SAMD4A: variants seen among roughly 807,000 people sequenced by gnomAD.
SAMD4A encodes sterile alpha motif domain containing 4A.
Under a neutral mutation model 81.3 loss-of-function variants are expected in SAMD4A, and 33 were observed. That is an observed-to-expected ratio of 0.41 (90% CI 0.31 to 0.54). The LOEUF is 0.54. Ranked by LOEUF, SAMD4A falls within the 20% of genes least tolerant of loss-of-function variation. SAMD4A has a pLI of 0.37. For missense variants in SAMD4A, 854 were observed against 951.1 expected (o/e 0.90, Z 1.34); for synonymous variants, 389 against 382.1 (o/e 1.02, Z -0.21).
intron 3 of SAMD4A, among the ~76,000 whole-genome samples, chr14:54,732,788 C>T (rs2037589929): frequency 6.6e-6 from 1 of 152,116 alleles, no homozygotes; most frequent in South Asian, 2.1e-4. Context: ...GCCAGTATCC[C>T]AGACTTTCTT....
chr14:54,708,923 A>G (rs1401971122), intron 3 of SAMD4A, among the ~76,000 whole-genome samples: 1 of 152,184 alleles, frequency 6.6e-6, no homozygotes, highest in Non-Finnish European at 1.5e-5. Context: ...TTTTGGATGT[A>G]TGTTTATGTT....
At position 54,713,357 on chromosome 14, in the gene SAMD4A, A is replaced by G. The variant is rs79166251; in HGVS notation, c.715+10777A>G. Among the ~76,000 whole-genome samples the G allele has an allele frequency of 2.5e-3, 387 of 152,202 alleles. 10 individuals are homozygous for G. In the East Asian group the frequency reaches 0.063, roughly 25 times the overall value. ...TCCCATCCCCACCCCAGCTCTCAAC[A>G]TTCTATTAGGTAAAATACATTCTCA... On this transcript the variant is annotated intron_variant, in intron 3 of 12. Transcript: ENST00000554335.
At chr14:54,780,395 C>T (rs1416280316) in intron 11 of SAMD4A, among the ~76,000 whole-genome samples, 1 of 152,154 alleles carries the variant, frequency 6.6e-6, no homozygotes, top group African/African-American at 2.4e-5. Context: ...CACAGGGCTC[C>T]AGGCTGTTAT....
chr14:54,612,038 G>C lies in SAMD4A; in HGVS notation c.196+43926G>C, dbSNP rs139961989. On this transcript the variant is annotated intron_variant, in intron 2 of 12. Transcript: ENST00000554335. ...CACAGTTATTTACTGAAGGGAGCCA[G>C]ATGGGCAGTGATGGGGGCCTTGCAC... Among the ~76,000 whole-genome samples the C allele has an allele frequency of 3.5e-4, 54 of 152,290 alleles. No homozygotes were observed. In the East Asian group the frequency reaches 9.5e-3, roughly 27 times the overall value.
intron 2 of SAMD4A, among the ~76,000 whole-genome samples, chr14:54,600,124 T>C (rs958266089): frequency 2.6e-5 from 4 of 152,214 alleles, no homozygotes; most frequent in African/African-American, 7.2e-5. Flanking sequence ...AGCAAAGCTG[T>C]GTCCTGGCCT....
intron 2 of SAMD4A, among the ~76,000 whole-genome samples, chr14:54,575,856 A>G (rs965742788): frequency 2.0e-5 from 3 of 152,056 alleles, no homozygotes; most frequent in Non-Finnish European, 2.9e-5. Flanking sequence ...TCTTTGAACT[A>G]CCTCTCACAG....
chr14:54,627,294 A>G (rs754642488), intron 2 of SAMD4A, among the ~76,000 whole-genome samples: 3 of 152,024 alleles, frequency 2.0e-5, no homozygotes, highest in East Asian at 1.9e-4. Flanking sequence ...TTGTCATACA[A>G]CTCCCCTAAG....
intron 2 of SAMD4A, among the ~76,000 whole-genome samples, chr14:54,677,364 G>T (rs1335241510): frequency 6.6e-6 from 1 of 152,172 alleles, no homozygotes; most frequent in Non-Finnish European, 1.5e-5. Context: ...CAAAACAGCA[G>T]CAAAAACCAA....
At chr14:54,658,261 A>G (rs970792944) in intron 2 of SAMD4A, among the ~76,000 whole-genome samples, 10 of 152,204 alleles carry the variant, frequency 6.6e-5, no homozygotes, top group African/African-American at 2.4e-4. Flanking sequence ...CATTGAGCCA[A>G]GATCGTGCCA....
chr14:54,664,867 G>A (rs1342623780), intron 2 of SAMD4A, among the ~76,000 whole-genome samples: 1 of 148,352 alleles, frequency 6.7e-6, no homozygotes, highest in Non-Finnish European at 1.5e-5. Context: ...AAAATAATAA[G>A]CTTTAATTTT....
chr14:54,703,355 C>G (rs1594834255), intron 3 of SAMD4A: 1 of 152,354 alleles, frequency 6.6e-6, no homozygotes, highest in East Asian at 1.9e-4. Flanking sequence ...TGTCTCCCCA[C>G]TGAGGCTGAG....
At chr14:54,668,213 G>C (rs567014630) in intron 2 of SAMD4A, among the ~76,000 whole-genome samples, 75 of 152,274 alleles carry the variant, frequency 4.9e-4, no homozygotes, top group Non-Finnish European at 4.1e-4. Context: ...CCTTTGCACA[G>C]TACCTTTCCT....
rs189537582 is a variant in SAMD4A, at chr14:54,638,671, A to T, written c.197-63391A>T. Among the ~76,000 whole-genome samples, 342 of 152,368 alleles carry T rather than the reference A, an allele frequency of 2.2e-3. 1 individual carries two copies. The highest frequency in any genetic ancestry group is 8.0e-3 in the African/African-American group (334 of 41,590). ...GTTGCTATTTTTTGAACAACAAGAG[A>T]CATTTCTCTAGGAGATTAAGCCAGT... is the stretch of plus-strand genomic sequence containing the variant. On this transcript the variant is annotated intron_variant, in intron 2 of 12. Transcript: ENST00000554335.
chr14:54,591,128 G>A (rs956870020), intron 2 of SAMD4A, among the ~76,000 whole-genome samples: 15 of 152,144 alleles, frequency 9.9e-5, no homozygotes, highest in Non-Finnish European at 4.4e-5. Flanking sequence ...AGAATGATAG[G>A]GGTACGTCGT....
At chr14:54,776,351 C>T (rs1239574140) in intron 10 of SAMD4A, 63 bp from the exon 11 acceptor site, 33 of 1,509,850 alleles carry the variant, frequency 2.2e-5, no homozygotes, top group Middle Eastern at 1.7e-4. Flanking sequence ...TTCTTGCTGG[C>T]GGCTCTGCTC....
At chr14:54,578,678 C>T (rs1339564013) in intron 2 of SAMD4A, among the ~76,000 whole-genome samples, 2 of 151,866 alleles carry the variant, frequency 1.3e-5, no homozygotes, top group African/African-American at 2.4e-5. Flanking sequence ...CACCACTGCA[C>T]TCCAGCCTGG....
chr14:54,760,604 A>G, intron 7 of SAMD4A, 110 bp downstream of exon 7: 1 of 1,342,670 alleles, frequency 7.4e-7, no homozygotes, highest in Non-Finnish European at 9.5e-7. Flanking sequence ...CCAAGTAGAC[A>G]TCATTAGCTT....
intron 2 of SAMD4A, among the ~76,000 whole-genome samples, chr14:54,634,349 C>T (rs938835273): frequency 2.0e-5 from 3 of 151,478 alleles, no homozygotes; most frequent in African/African-American, 7.3e-5. Flanking sequence ...GAAATAGGAC[C>T]CATTGGAAGG....
At position 54,586,116 on chromosome 14, in the gene SAMD4A, T is replaced by C. The variant is rs574815080; in HGVS notation, c.196+18004T>C. 2.6e-5 allele frequency among the ~76,000 whole-genome samples: 4 copies of C among 152,266 alleles called. No homozygotes were observed. The South Asian group carries it at 8.3e-4, about 32-fold the overall frequency. On this transcript the variant is annotated intron_variant, in intron 2 of 12. Transcript: ENST00000554335. ...CCAATATCTGTTTTTATTTTTTTAT[T>C]ATGGCCATTCTTGCAGGAGTGAGAT...
Sources: gnomAD v4.1 joint callset for allele counts (sites outside exome capture counted in the v4.1 genomes callset) on GRCh38, gnomAD v4.1.1 for gene constraint, MANE v1.5 for transcripts, NCBI Gene and HGNC (gene_info 2026-07-23, HGNC 2026-07-21) for gene names.